Variants in ZNF140 observed in about 807,000 individuals in gnomAD.
The protein encoded by ZNF140 is zinc finger protein 140 (clone pHZ-39).
A neutral mutation model predicts 12.9 loss-of-function variants in ZNF140; 13 were observed. The ratio of observed to expected loss-of-function variants is 1.01; its 90% confidence interval spans 0.66 to 1.60. ZNF140 has a LOEUF of 1.60. ZNF140 is among the 40% of genes most tolerant of loss of function. The pLI is 0.00. For missense variants in ZNF140, 531 were observed against 548.8 expected (o/e 0.97, Z 0.32); for synonymous variants, 214 against 186.7 (o/e 1.15, Z -1.19).
Position 133,106,141 on chromosome 12 carries a change from C to T in ZNF140, c.864C>T (p.Leu288=), listed in dbSNP as rs1852852175. The change falls in exon 5 of 5, where the codon CTC becomes CTT. Residue 288 remains leucine, a synonymous_variant. Coordinates refer to ENST00000355557, the MANE Select transcript of ZNF140 (RefSeq NM_003440.4). The stretch of plus-strand genomic sequence containing the variant: ...AAGCATTTAGCAGTGGCTCAGAACT[C>T]ATTCGCCACCAGATTACACATACTG... ...CGKAFSSGSE[L]IRHQITHTGE... 6.2e-7 allele frequency: 1 copy of T among 1,614,080 alleles called. No homozygotes were observed. The highest frequency in any genetic ancestry group is 1.3e-5 in the African/African-American group (1 of 75,034).
At chr12:133,096,763 T>C (rs1955144375) in intron 4 of ZNF140, among the ~76,000 whole-genome samples, 1 of 152,256 alleles carries the variant, frequency 6.6e-6, no homozygotes. Flanking sequence ...CTTTGAAATT[T>C]GTTAAGATGT....
intron 4 of ZNF140, among the ~76,000 whole-genome samples, chr12:133,092,931 G>A (rs1413508498): frequency 6.6e-6 from 1 of 151,070 alleles, no homozygotes; most frequent in Non-Finnish European, 1.5e-5. Flanking sequence ...TTGGGGCATG[G>A]TTTTCCCTTA....
At chr12:133,092,377 A>C (rs1397473139) in intron 4 of ZNF140, among the ~76,000 whole-genome samples, 2 of 151,042 alleles carry the variant, frequency 1.3e-5, no homozygotes, top group African/African-American at 4.9e-5. Context: ...ACAATCTACA[A>C]TTTTCACAGG....
intron 4 of ZNF140, 124 bp from the exon 5 acceptor site, chr12:133,105,386 C>CT: frequency 1.0e-6 from 1 of 965,378 alleles, no homozygotes; most frequent in Non-Finnish European, 1.5e-6. Flanking sequence ...TCAGTCACAG[C>CT]TGTGAAAGCT....
chr12:133,093,232 T>G (rs1467347520), intron 4 of ZNF140, among the ~76,000 whole-genome samples: 2 of 151,260 alleles, frequency 1.3e-5, no homozygotes, highest in Non-Finnish European at 2.9e-5. Context: ...TAACGTATAC[T>G]TCAATAGGAT....
chr12:133,100,874 G>A (rs1171287414), intron 4 of ZNF140: 2 of 348,898 alleles, frequency 5.7e-6, no homozygotes, highest in Non-Finnish European at 1.2e-5. Flanking sequence ...TTCACATTCG[G>A]GGTGGGGTGG....
At position 133,101,109 on chromosome 12, in the gene ZNF140, GAATAT is replaced by G. The variant is rs1209342053; in HGVS notation, c.233-4394_233-4390del. The G allele has an allele frequency of 2.7e-5, 10 of 376,426 alleles. No homozygotes were observed. The East Asian group carries it at 3.1e-4, about 12-fold the overall frequency. 23.3% of individuals were successfully genotyped at this position (376,426 alleles called of 1,614,324 possible). ...CTTTGTATTTGATTTTCTGAAATTG[GAATAT>G]AATATACCTAATTGTAGGGGTTTTT... On this transcript the variant is annotated intron_variant, in intron 4 of 4. Transcript: ENST00000355557.
chr12:133,092,680 CCTT>C (rs1407693062), intron 4 of ZNF140, among the ~76,000 whole-genome samples: 9 of 151,174 alleles, frequency 6.0e-5, no homozygotes, highest in African/African-American at 2.2e-4. Flanking sequence ...GTGATTCTAG[CCTT>C]CTGTAAACCT....
chr12:133,105,378 A>T (rs1955554312), intron 4 of ZNF140, 132 bp from the exon 5 acceptor site: 1 of 873,354 alleles, frequency 1.1e-6, no homozygotes. Context: ...CTCAGATTTC[A>T]GTCACAGCTG....
chr12:133,097,171 C>A (rs1955159396), intron 4 of ZNF140, among the ~76,000 whole-genome samples: 1 of 152,158 alleles, frequency 6.6e-6, no homozygotes, highest in African/African-American at 2.4e-5. Context: ...ACGTCTCTTT[C>A]TTTTGATAAG....
In ZNF140 at chr12:133,106,725, C is replaced by T; in HGVS notation, c.*74C>T. ...AAGTATAATGCCTTACTTCAGAGAACTCTTGGAAAGAAGCCTTATGTGAAA... is the reference window on the plus strand; with the variant it reads ...AAGTATAATGCCTTACTTCAGAGAATTCTTGGAAAGAAGCCTTATGTGAAA... On this transcript the variant is annotated 3_prime_UTR_variant, in exon 5 of 5. Coordinates refer to ENST00000355557, the MANE Select transcript of ZNF140 (RefSeq NM_003440.4). The T allele has an allele frequency of 1.5e-6, 2 of 1,341,190 alleles. No homozygotes were observed. Among genetic ancestry groups the T allele is most frequent in the Non-Finnish European group, 2.0e-6 (2 of 997,188 alleles). The allele number at this position is 1,341,190 out of a possible 1,614,324, so 83.1% of individuals were successfully genotyped here. A position where few individuals can be genotyped will look rare whatever the true frequency, so the allele number is the denominator to read the frequency against.
Position 133,105,701 on chromosome 12 carries a change from G to A in ZNF140, c.424G>A (p.Val142Ile). 1 of 1,614,160 alleles carries A rather than the reference G, an allele frequency of 6.2e-7. No individual in the cohort carries two copies. Among genetic ancestry groups the A allele is most frequent in the Non-Finnish European group, 8.5e-7 (1 of 1,180,018 alleles). ...TCAGGGATGTATTAGGAAAGTAACA[G>A]TCTCTCATCAAGAAGCCCTGGCTCA... Reference protein sequence around the residue: ...ENQGCIRKVTVSHQEALAQHM... With the variant: ...ENQGCIRKVTISHQEALAQHM... Residue 142 changes from valine to isoleucine, a missense_variant, in exon 5 of 5, where the codon GTC becomes ATC. Val to Ile is a conservative substitution (Grantham distance 29). Coordinates refer to ENST00000355557, the MANE Select transcript of ZNF140 (RefSeq NM_003440.4).
Position 133,093,814 on chromosome 12 carries a change from C to T in ZNF140, c.232+10253C>T, listed in dbSNP as rs1044100134. 2.9e-3 allele frequency among the ~76,000 whole-genome samples: 433 copies of T among 151,038 alleles called. 23 individuals carry two copies. The highest frequency in any genetic ancestry group is 0.01 in the African/African-American group (412 of 40,754). On this transcript the variant is annotated intron_variant, in intron 4 of 4. Coordinates refer to ENST00000355557, the MANE Select transcript of ZNF140 (RefSeq NM_003440.4). ...TCTCTCTCTTCCTCTCTCTCTCTCTCACACACTTTATCTCCAGTTTCACTT... is the reference window on the plus strand; with the variant it reads ...TCTCTCTCTTCCTCTCTCTCTCTCTTACACACTTTATCTCCAGTTTCACTT...
intron 4 of ZNF140, among the ~76,000 whole-genome samples, chr12:133,094,753 G>C (rs73425971): frequency 2.0e-5 from 3 of 151,328 alleles, no homozygotes; most frequent in East Asian, 3.9e-4. Flanking sequence ...CGCAGCAAGC[G>C]TAGTTTCAGG....
At chr12:133,081,741 T>C in intron 2 of ZNF140, 1 of 340,392 alleles carries the variant, frequency 2.9e-6, no homozygotes, top group Non-Finnish European at 5.8e-6. Flanking sequence ...GCCTCCTCTT[T>C]CCCACAGTGT....
Position 133,083,108 on chromosome 12 carries a change from A to T in ZNF140, c.15A>T (p.Ser5=). The T allele has an allele frequency of 6.2e-7, 1 of 1,614,242 alleles. No individual in the cohort carries two copies. Among genetic ancestry groups the T allele is most frequent in the South Asian group, 1.1e-5 (1 of 91,088 alleles). MSQG[S]VTFRDVAIDF... ...ATATCTGTCCGTCATTTCAGGGGTC[A>T]GTGACATTCAGAGATGTGGCCATAG... The change falls in exon 3 of 5, where the codon TCA becomes TCT. Residue 5 remains serine (S), a synonymous_variant. Coordinates refer to ENST00000355557, the MANE Select transcript of ZNF140 (RefSeq NM_003440.4).
intron 2 of ZNF140, 104 bp from the exon 3 acceptor site, chr12:133,082,995 CTACT>C: frequency 6.6e-7 from 1 of 1,519,694 alleles, no homozygotes; most frequent in Non-Finnish European, 9.0e-7. Context: ...CTCACTGTTA[CTACT>C]TAGACACATT....
At chr12:133,100,867 A>G in intron 4 of ZNF140, 1 of 332,062 alleles carries the variant, frequency 3.0e-6, no homozygotes, top group Non-Finnish European at 6.1e-6. Flanking sequence ...AGGACAATTC[A>G]CATTCGGGGT....
rs1390023701 is a variant in ZNF140 at position 133,080,961 on chromosome 12, T to G, written c.-160T>G. 1 of 158,620 alleles carries G rather than the reference T, an allele frequency of 6.3e-6. No individual in the cohort carries two copies. The highest frequency in any genetic ancestry group is 1.4e-5 in the Non-Finnish European group (1 of 71,526). The allele number at this position is 158,620 out of a possible 1,614,324, so 9.8% of individuals were successfully genotyped here. A position where few individuals can be genotyped will look rare whatever the true frequency, so the allele number is the denominator to read the frequency against. Reference sequence around the variant, plus strand: ...TGGCTGTAGGCAACGAAAGGAGCCCTCCCGGTCTGCGCCGGATGGCCCCGG... The same window carrying G: ...TGGCTGTAGGCAACGAAAGGAGCCCGCCCGGTCTGCGCCGGATGGCCCCGG... On this transcript the variant is annotated 5_prime_UTR_variant, in exon 1 of 5. Transcript: ENST00000355557.
Sources: allele counts gnomAD v4.1 joint callset (sites outside exome capture counted in the v4.1 genomes callset), GRCh38; gene constraint gnomAD v4.1.1; transcripts MANE v1.5; gene names NCBI Gene and HGNC (gene_info 2026-07-23, HGNC 2026-07-21).